MYO9B: variants seen among roughly 807,000 people sequenced by gnomAD.
The protein encoded by MYO9B is myosin IXB.
In MYO9B, 71 loss-of-function variants were observed where a neutral mutation model predicts 229.5. The observed-to-expected ratio is 0.31, with a 90% confidence interval of 0.26 to 0.38. The LOEUF is 0.38. MYO9B is among the 10% of genes least tolerant of loss of function. The pLI, the probability that MYO9B is intolerant of heterozygous loss-of-function variation, is 1.00. For synonymous variants in MYO9B, 1,185 were observed against 1,235.8 expected (o/e 0.96, Z 0.86); for missense variants, 2,255 against 2,920.5 (o/e 0.77, Z 5.25).
At chr19:17,108,040 G>A (rs1002223766) in intron 2 of MYO9B, among the ~76,000 whole-genome samples, 8 of 152,136 alleles carry the variant, frequency 5.3e-5, no homozygotes, top group South Asian at 2.1e-4. Context: ...CCCCAGATCC[G>A]CGATTGTCCT....
chr19:17,079,126 A>G (rs1169007377), intron 1 of MYO9B, among the ~76,000 whole-genome samples: 2 of 152,300 alleles, frequency 1.3e-5, no homozygotes, highest in Non-Finnish European at 1.5e-5. Flanking sequence ...CTGGGGGCAG[A>G]ATCACCTCCC....
At chr19:17,100,758 T>C (rs10423719) in intron 1 of MYO9B, among the ~76,000 whole-genome samples, 68,374 of 151,654 alleles carry the variant, frequency 0.45, 16,347 homozygotes, top group Middle Eastern at 0.61. Context: ...CCCAGTAGTC[T>C]GGAGTTGTGG....
chr19:17,174,311 G>A (rs1033537768), intron 13 of MYO9B, among the ~76,000 whole-genome samples: 3 of 151,764 alleles, frequency 2.0e-5, no homozygotes, highest in African/African-American at 4.8e-5. Flanking sequence ...GATTACAGGC[G>A]TGAGCCACCA....
chr19:17,183,656 C>A, intron 15 of MYO9B, 173 bp from the exon 16 acceptor site: 1 of 597,280 alleles, frequency 1.7e-6, no homozygotes. Flanking sequence ...TGAGGCACGC[C>A]ACGGTGTGCA....
chr19:17,077,763 T>C (rs183361442), intron 1 of MYO9B, among the ~76,000 whole-genome samples: 1 of 152,250 alleles, frequency 6.6e-6, no homozygotes, highest in South Asian at 2.1e-4. Flanking sequence ...GCACCCCCAC[T>C]CTCCATTCCT....
intron 1 of MYO9B, among the ~76,000 whole-genome samples, chr19:17,095,091 T>A (rs2057675014): frequency 6.6e-6 from 1 of 152,046 alleles, no homozygotes; most frequent in South Asian, 2.1e-4. Flanking sequence ...ATAGAAAAAT[T>A]AGCTCGGTGT....
chr19:17,092,780 G>C (rs553827542), intron 1 of MYO9B, among the ~76,000 whole-genome samples: 2 of 149,866 alleles, frequency 1.3e-5, no homozygotes, highest in Admixed American at 6.7e-5. Flanking sequence ...CTGTGTCCTT[G>C]TATGCATGTG....
chr19:17,096,663 TTTGTTGTTGTTG>T lies in MYO9B; in HGVS notation c.-58-4966_-58-4955del, dbSNP rs150244722. Among the ~76,000 whole-genome samples, 252 of 115,698 alleles carry T rather than the reference TTTGTTGTTGTTG, an allele frequency of 2.2e-3. 8 individuals are homozygous for T. Among genetic ancestry groups the T allele is most frequent in the African/African-American group, 6.6e-3 (199 of 30,050 alleles). The allele number at this position is 115,698 out of a possible 152,430, so 75.9% of individuals were successfully genotyped here. A position where few individuals can be genotyped will look rare whatever the true frequency, so the allele number is the denominator to read the frequency against. ...CAGATGAGCTGCCTCGTTCAGATAG[TTTGTTGTTGTTG>T]TTGTTGTTGTTGTTGTTGTTGTTGT... is the stretch of plus-strand genomic sequence containing the variant. On this transcript the variant is annotated intron_variant, in intron 1 of 39. Transcript: ENST00000682292.
In MYO9B at chr19:17,101,744, G is replaced by A. The variant is rs928809618; in HGVS notation, c.27G>A (p.Ser9=). Residue 9 remains serine, a synonymous_variant, in exon 2 of 40, where the codon TCG becomes TCA. Coordinates refer to ENST00000682292, the MANE Select transcript of MYO9B (RefSeq NM_004145.4). The surrounding 1 kb of genome is among the most constrained non-coding windows in gnomAD (Gnocchi z 4.7). MSVKEAGS[S]GRREQAAYHL... Reference sequence around the variant, plus strand: ...TGAGTGTGAAAGAGGCAGGCAGCTCGGGCCGCCGGGAGCAGGCGGCCTACC... The same window carrying A: ...TGAGTGTGAAAGAGGCAGGCAGCTCAGGCCGCCGGGAGCAGGCGGCCTACC... The A allele has an allele frequency of 2.1e-5, 33 of 1,588,530 alleles. No homozygotes were observed. Among genetic ancestry groups the A allele is most frequent in the East Asian group, 6.8e-5 (3 of 43,930 alleles).
rs1463851252 is a variant in MYO9B at position 17,195,153 on chromosome 19, C to T, written c.3726C>T (p.Ser1242=). 3.1e-6 allele frequency: 5 copies of T among 1,611,178 alleles called. No individual in the cohort carries two copies. In the East Asian group the frequency reaches 6.7e-5, roughly 22 times the overall value. ...CTGAGAAGACGCTGCCCAGTGGGAGCCCCAGGCCTGGCCAGTTGGAGCGGC... is the reference window on the plus strand; with the variant it reads ...CTGAGAAGACGCTGCCCAGTGGGAGTCCCAGGCCTGGCCAGTTGGAGCGGC... ...EETEKTLPSG[S]PRPGQLERPT... is the part of the protein sequence containing the mutation. The change falls in exon 22 of 40, where the codon AGC becomes AGT. Residue 1242 remains serine (S), a synonymous_variant. Transcript: ENST00000682292. This position sits in a 1 kb window ranked among gnomAD's most constrained non-coding sequence, Gnocchi z 4.5.
chr19:17,114,924 C>CT (rs139596465), intron 2 of MYO9B, among the ~76,000 whole-genome samples: 2,895 of 137,632 alleles, frequency 0.021, 55 homozygotes, highest in African/African-American at 0.05. Flanking sequence ...TGCTTTTCCC[C>CT]TTTTTTTTTT....
chr19:17,096,700 T>TTGG (rs1003956707), intron 1 of MYO9B, among the ~76,000 whole-genome samples: 4 of 85,116 alleles, frequency 4.7e-5, no homozygotes, highest in African/African-American at 1.8e-4. Flanking sequence ...GTTGTTGTTG[T>TTGG]TGTTGGTTTT....
chr19:17,166,839 C>CT (rs2072665147), intron 10 of MYO9B, among the ~76,000 whole-genome samples: 2 of 152,136 alleles, frequency 1.3e-5, no homozygotes, highest in South Asian at 4.1e-4. Flanking sequence ...GACCTCATTC[C>CT]TTTTTTATGG....
At chr19:17,109,135 G>A (rs1254068350) in intron 2 of MYO9B, among the ~76,000 whole-genome samples, 4 of 150,796 alleles carry the variant, frequency 2.7e-5, no homozygotes, top group African/African-American at 9.8e-5. Flanking sequence ...GCGCGATCTC[G>A]GCTCACTGCA....
At chr19:17,156,092 G>A (rs1198515615) in intron 6 of MYO9B, among the ~76,000 whole-genome samples, 2 of 151,780 alleles carry the variant, frequency 1.3e-5, no homozygotes. Flanking sequence ...CCAGTGACTG[G>A]CCAGACACAA....
chr19:17,202,947 G>T, intron 29 of MYO9B, 64 bp downstream of exon 29: 1 of 1,548,854 alleles, frequency 6.5e-7, no homozygotes. Flanking sequence ...ATGCACGTGT[G>T]TGTCAGTGTC....
At chr19:17,091,890 C>G (rs1246931463) in intron 1 of MYO9B, among the ~76,000 whole-genome samples, 2 of 152,196 alleles carry the variant, frequency 1.3e-5, no homozygotes, top group East Asian at 1.9e-4. Context: ...AGCCCCATCT[C>G]TGAGAGTGGG....
At chr19:17,091,936 A>T (rs7254827) in intron 1 of MYO9B, among the ~76,000 whole-genome samples, 26,465 of 152,088 alleles carry the variant, frequency 0.17, 2,520 homozygotes, top group Non-Finnish European at 0.22. Flanking sequence ...CCCGCACACC[A>T]GGGGCCCAGA....
Position 17,136,547 on chromosome 19 carries a change from G to A in MYO9B, c.841-8850G>A, listed in dbSNP as rs568791468. On this transcript the variant is annotated intron_variant, in intron 2 of 39. Coordinates refer to ENST00000682292, the MANE Select transcript of MYO9B (RefSeq NM_004145.4). ...TTCTGTCTGTGTACATCAATGCTCC[G>A]CAGCCGGGGTGATTTGCCGATCTCT... 4.6e-5 allele frequency among the ~76,000 whole-genome samples: 7 copies of A among 152,182 alleles called. No individual in the cohort carries two copies. In the South Asian group the frequency reaches 8.3e-4, roughly 18 times the overall value.
Sources: allele counts gnomAD v4.1 joint callset (sites outside exome capture counted in the v4.1 genomes callset), GRCh38; gene constraint gnomAD v4.1.1; non-coding constraint Gnocchi (gnomAD v3.1); transcripts MANE v1.5; gene names NCBI Gene and HGNC (gene_info 2026-07-23, HGNC 2026-07-21).